The following PCLO variants were observed in gnomAD, a reference collection of about 807,000 sequenced individuals.
The protein encoded by PCLO is piccolo presynaptic cytomatrix protein.
A neutral mutation model predicts 427.5 loss-of-function variants in PCLO; 82 were observed. That is an observed-to-expected ratio of 0.19 (90% CI 0.16 to 0.23). The LOEUF (loss-of-function observed/expected upper bound fraction) is 0.23. Ranked by LOEUF, PCLO falls within the 10% of genes least tolerant of loss-of-function variation. PCLO has a pLI of 1.00. For missense variants in PCLO, 6,239 were observed against 6,115.9 expected, an observed-to-expected ratio of 1.02 and a Z score of -0.67; for synonymous variants, 2,357 against 2,155.4, an observed-to-expected ratio of 1.09 and a Z score of -2.59.
rs932038821 is a variant in PCLO at position 82,914,429 on chromosome 7, A to T, written c.13300+257T>A. On this transcript the variant is annotated intron_variant, in intron 7 of 24. Coordinates refer to ENST00000333891, the MANE Select transcript of PCLO (RefSeq NM_033026.6). ...AATTATTTGATAATGGTTTTAGAAA[A>T]GCAGACACCAAACAAATCAAGCAAA... 7.2e-5 allele frequency: 41 copies of T among 570,590 alleles called. 1 individual carries two copies. In the Admixed American group the frequency reaches 1.3e-3, roughly 18 times the overall value. 35.3% of individuals were successfully genotyped at this position (570,590 alleles called of 1,614,324 possible).
chr7:83,000,507 C>T, intron 3 of PCLO, among the ~76,000 whole-genome samples: 1 of 151,946 alleles, frequency 6.6e-6, no homozygotes, highest in East Asian at 1.9e-4. Context: ...ACAATTTTTT[C>T]CATGGATGTG....
At chr7:82,949,411 A>G (rs946314976) in intron 6 of PCLO, 65 bp downstream of exon 6, 10 of 1,294,910 alleles carry the variant, frequency 7.7e-6, no homozygotes, top group African/African-American at 3.0e-5. Context: ...TCGCCTCCTA[A>G]AAGTCTGAAA....
At chr7:83,117,388 T>C (rs560236638) in intron 3 of PCLO, among the ~76,000 whole-genome samples, 2 of 152,334 alleles carry the variant, frequency 1.3e-5, no homozygotes, top group East Asian at 3.9e-4. Context: ...ATACTAGGTC[T>C]ATATATTTAG....
At chr7:82,993,042 T>A (rs181166102) in intron 3 of PCLO, among the ~76,000 whole-genome samples, 1 of 152,164 alleles carries the variant, frequency 6.6e-6, no homozygotes, top group African/African-American at 2.4e-5. Context: ...GCCACATGTT[T>A]AGAGTCACTA....
chr7:83,140,620 T>G (rs1019019198), intron 2 of PCLO, among the ~76,000 whole-genome samples: 1 of 152,224 alleles, frequency 6.6e-6, no homozygotes, highest in Non-Finnish European at 1.5e-5. Flanking sequence ...AACTGTGCTC[T>G]GTGTTTACTG....
chr7:83,071,066 A>C (rs2116354389), intron 3 of PCLO, among the ~76,000 whole-genome samples: 1 of 152,140 alleles, frequency 6.6e-6, no homozygotes, highest in Admixed American at 6.5e-5. Flanking sequence ...TGTAACATGA[A>C]ATATGCCATT....
chr7:82,887,941 G>A (rs62461405), intron 9 of PCLO, among the ~76,000 whole-genome samples: 16,244 of 151,986 alleles, frequency 0.11, 1,108 homozygotes, highest in Middle Eastern at 0.18. Flanking sequence ...GTGGTGGCAG[G>A]CACCTGTAAT....
At chr7:82,945,727 C>T (rs1795187403) in intron 6 of PCLO, among the ~76,000 whole-genome samples, 1 of 152,102 alleles carries the variant, frequency 6.6e-6, no homozygotes, top group African/African-American at 2.4e-5. Context: ...CATCCTGTAC[C>T]TTTACAGTTT....
chr7:82,882,818 T>C (rs1398027162), intron 9 of PCLO, among the ~76,000 whole-genome samples: 1 of 152,030 alleles, frequency 6.6e-6, no homozygotes, highest in Non-Finnish European at 1.5e-5. Flanking sequence ...AACACAAACA[T>C]GAGCATACTA....
chr7:83,008,210 T>C (rs1328871740), intron 3 of PCLO, among the ~76,000 whole-genome samples: 3 of 151,662 alleles, frequency 2.0e-5, no homozygotes, highest in African/African-American at 7.2e-5. Context: ...TATTAGCAAT[T>C]TGTCCTCAAA....
rs765743433 is a variant in PCLO, at chr7:82,952,686, C to A, written c.8267G>T (p.Arg2756Met). Residue 2756 changes from arginine (R) to methionine (M), a missense_variant, in exon 5 of 25, where the codon AGG (arginine) becomes ATG (methionine). By Grantham distance (91) the Arg-to-Met change is moderately conservative. Transcript: ENST00000333891. Reference protein sequence around the residue: ...DLSASTMDVKRQITANEVYGK... With the variant: ...DLSASTMDVKMQITANEVYGK... ...ATAAACTTCATTTGCTGTGATCTGC[C>A]TTTTCACATCCATTGTAGAAGCAGA... is the stretch of plus-strand genomic sequence containing the variant. 1.2e-6 allele frequency: 2 copies of A among 1,613,784 alleles called. No homozygotes were observed. The highest frequency in any genetic ancestry group is 1.3e-5 in the African/African-American group (1 of 74,916).
intron 22 of PCLO, among the ~76,000 whole-genome samples, chr7:82,781,808 A>T (rs1359867198): frequency 6.6e-6 from 1 of 152,162 alleles, no homozygotes; most frequent in Non-Finnish European, 1.5e-5. Flanking sequence ...AAATGTTGAC[A>T]TCATGAAGCT....
At chr7:83,045,087 C>G (rs1365558376) in intron 3 of PCLO, among the ~76,000 whole-genome samples, 1 of 152,050 alleles carries the variant, frequency 6.6e-6, no homozygotes, top group Non-Finnish European at 1.5e-5. Flanking sequence ...TGATTAGGCC[C>G]TGATTTTTCT....
chr7:82,992,268 G>A (rs2115849305), intron 3 of PCLO, among the ~76,000 whole-genome samples: 1 of 152,072 alleles, frequency 6.6e-6, no homozygotes, highest in South Asian at 2.1e-4. Context: ...CATCCTCCTT[G>A]TCTACCTCAA....
rs762205528 is a variant in PCLO, at chr7:82,953,698, G to A, written c.7255C>T (p.Pro2419Ser). 52 of 876,578 alleles carry A rather than the reference G, an allele frequency of 5.9e-5. No individual in the cohort carries two copies. The highest frequency in any genetic ancestry group is 8.1e-5 in the Non-Finnish European group (49 of 604,282). The allele number at this position is 876,578 out of a possible 1,614,324, so 54.3% of individuals were successfully genotyped here. ...AGTGGTGGGGGAGGAGGGGGTGGTGGTGGAGGAGGAGGAGGAGGGGGAGGG... is the reference window on the plus strand; with the variant it reads ...AGTGGTGGGGGAGGAGGGGGTGGTGATGGAGGAGGAGGAGGAGGGGGAGGG... Reference protein sequence around the residue: ...PPPPPPPPPPPPPPPPPPLPP... With the variant: ...PPPPPPPPPPSPPPPPPPLPP... Residue 2419 changes from proline (P) to serine (S), a missense_variant, in exon 5 of 25, where the codon CCA becomes TCA. Pro to Ser is a moderately conservative substitution (Grantham distance 74). This residue lies in a region of PCLO where 4,677 missense variants were observed against 4,468.4 expected (regional missense o/e 1.05). Transcript: ENST00000333891.
Position 82,950,308 on chromosome 7 carries a change from C to T in PCLO, c.10280G>A (p.Gly3427Glu), listed in dbSNP as rs201777062. 2.5e-6 allele frequency: 4 copies of T among 1,613,390 alleles called. No homozygotes were observed. The East Asian group carries it at 6.7e-5, about 27-fold the overall frequency. ...TCGGGGATCATCTGTCATATTTTCTCCCATGTCATCATACTGTCCTCGGAC... is the reference window on the plus strand; with the variant it reads ...TCGGGGATCATCTGTCATATTTTCTTCCATGTCATCATACTGTCCTCGGAC... ...AKVRGQYDDM[G>E]ENMTDDPRSF... is the part of the protein sequence containing the mutation. Residue 3427 changes from glycine (G) to glutamate (E), a missense_variant, in exon 6 of 25, where the codon GGA becomes GAA. Physicochemically the swap from Gly to Glu is moderately conservative, Grantham distance 98. This residue lies in a region of PCLO where 4,677 missense variants were observed against 4,468.4 expected (regional missense o/e 1.05). Coordinates refer to ENST00000333891, the MANE Select transcript of PCLO (RefSeq NM_033026.6).
At chr7:82,893,410 C>T (rs949232708) in intron 9 of PCLO, among the ~76,000 whole-genome samples, 1 of 151,958 alleles carries the variant, frequency 6.6e-6, no homozygotes, top group Non-Finnish European at 1.5e-5. Context: ...ACATCACACA[C>T]TGGGCCCTGT....
intron 3 of PCLO, among the ~76,000 whole-genome samples, chr7:83,021,218 G>A (rs988960697): frequency 3.9e-5 from 6 of 152,036 alleles, no homozygotes; most frequent in African/African-American, 7.3e-5. Flanking sequence ...TAATTTGAGG[G>A]TTTCTCCCAT....
intron 3 of PCLO, among the ~76,000 whole-genome samples, chr7:83,009,596 T>C (rs1788029167): frequency 6.6e-6 from 1 of 151,892 alleles, no homozygotes; most frequent in Admixed American, 6.6e-5. Context: ...TAAAATACAT[T>C]TGATAATATA....
Sources: allele counts gnomAD v4.1 joint callset (sites outside exome capture counted in the v4.1 genomes callset), GRCh38; gene constraint gnomAD v4.1.1; regional missense constraint gnomAD v4.1.1; transcripts MANE v1.5; gene names NCBI Gene and HGNC (gene_info 2026-07-23, HGNC 2026-07-21).